PRKCG: variants seen among roughly 807,000 people sequenced by gnomAD.
PRKCG encodes protein kinase C gamma type.
In PRKCG, 28 loss-of-function variants were observed where a neutral mutation model predicts 82.0. The ratio of observed to expected loss-of-function variants is 0.34; its 90% confidence interval spans 0.25 to 0.47. The LOEUF is 0.47. Among genes scored for constraint, PRKCG ranks in the 20% least tolerant of loss-of-function variants. PRKCG has a pLI of 1.00. For synonymous variants in PRKCG, 383 were observed against 376.6 expected, an observed-to-expected ratio of 1.02 and a Z score of -0.20; for missense variants, 640 against 952.7, an observed-to-expected ratio of 0.67 and a Z score of 4.32.
chr19:53,882,834 G>C lies in PRKCG; in HGVS notation c.170+170G>C, dbSNP rs2068603276. 6.6e-6 allele frequency among the ~76,000 whole-genome samples: 1 copy of C among 152,114 alleles called. No individual in the cohort carries two copies. The highest frequency in any genetic ancestry group is 1.5e-5 in the Non-Finnish European group (1 of 68,022). ...GACTCCTGGGTTTCAGTGAGGAGGAGGCTGGTTCCTGGAGTGCTGGGTCCG... is the reference window on the plus strand; with the variant it reads ...GACTCCTGGGTTTCAGTGAGGAGGACGCTGGTTCCTGGAGTGCTGGGTCCG... On this transcript the variant is annotated intron_variant, in intron 1 of 17. Transcript: ENST00000263431. The surrounding 1 kb of genome is among the most constrained non-coding windows in gnomAD (Gnocchi z 6.1).
chr19:53,887,006 A>G (rs1599941055), intron 3 of PRKCG, among the ~76,000 whole-genome samples: 1 of 152,274 alleles, frequency 6.6e-6, no homozygotes, highest in East Asian at 1.9e-4. Context: ...ATTATGACCA[A>G]TGAGGAAACG....
intron 9 of PRKCG, among the ~76,000 whole-genome samples, chr19:53,895,498 A>G (rs932388095): frequency 1.3e-5 from 2 of 151,624 alleles, no homozygotes; most frequent in Non-Finnish European, 2.9e-5. Flanking sequence ...AAAAAAAAAA[A>G]AAAAAAAAAA....
chr19:53,888,055 T>C (rs1474665728), intron 3 of PRKCG, among the ~76,000 whole-genome samples: 2 of 152,160 alleles, frequency 1.3e-5, no homozygotes, highest in Non-Finnish European at 2.9e-5. Flanking sequence ...AACAGCGACG[T>C]TCACTTTTGA....
Position 53,906,413 on chromosome 19 carries a change from C to CT in PRKCG, c.1861_1862insT (p.Arg621LeufsTer24), listed in dbSNP as rs1398624617. On this transcript the variant is annotated frameshift_variant, in exon 17 of 18. Coordinates refer to ENST00000263431, the MANE Select transcript of PRKCG (RefSeq NM_002739.5). LOFTEE classifies it low-confidence loss of function (END_TRUNC). ...CTTTTTCCGCTGGATTGACTGGGAG[C>CT]GGCTGGAACGATTGGAGATCCCGCC... The CT allele has an allele frequency of 6.4e-7, 1 of 1,572,064 alleles. No individual in the cohort carries two copies. The highest frequency in any genetic ancestry group is 8.6e-7 in the Non-Finnish European group (1 of 1,157,902).
intron 9 of PRKCG, among the ~76,000 whole-genome samples, chr19:53,893,754 T>A (rs542969614): frequency 2.7e-4 from 39 of 146,422 alleles, no homozygotes; most frequent in South Asian, 4.5e-4. Flanking sequence ...TAAAATTTTT[T>A]AATTTATTTT....
At position 53,883,209 on chromosome 19, in the gene PRKCG, C is replaced by G; in HGVS notation, c.202+15C>G. 6.2e-7 allele frequency: 1 copy of G among 1,613,772 alleles called. No homozygotes were observed. The highest frequency in any genetic ancestry group is 8.5e-7 in the Non-Finnish European group (1 of 1,179,916). Reference sequence around the variant, plus strand: ...GCAATGTCAAGGTAAGAGCTGGGGACCGGGGCTCCTGGGACCCTCAGGAGG... The same window carrying G: ...GCAATGTCAAGGTAAGAGCTGGGGAGCGGGGCTCCTGGGACCCTCAGGAGG... On this transcript the variant is annotated intron_variant, in intron 2 of 17. Transcript: ENST00000263431. The surrounding 1 kb of genome is among the most constrained non-coding windows in gnomAD (Gnocchi z 5.4).
rs886054614 is a variant in PRKCG, at chr19:53,907,255, G to C, written c.*360G>C. The stretch of plus-strand genomic sequence containing the variant: ...TGCCTCCCCCCAGACCCCGCCCCTG[G>C]GGAAATAGCCTCACGGGGTTGGCTG... On this transcript the variant is annotated 3_prime_UTR_variant, in exon 18 of 18. Transcript: ENST00000263431. The C allele has an allele frequency of 5.4e-6, 2 of 369,146 alleles. No individual in the cohort carries two copies. The allele number at this position is 369,146 out of a possible 1,614,324, so 22.9% of individuals were successfully genotyped here.
At position 53,900,204 on chromosome 19, in the gene PRKCG, CG is replaced by C; in HGVS notation, c.1282-28del. 1 of 1,595,808 alleles carries C rather than the reference CG, an allele frequency of 6.3e-7. No homozygotes were observed. Among genetic ancestry groups the C allele is most frequent in the Non-Finnish European group, 8.6e-7 (1 of 1,163,438 alleles). The stretch of plus-strand genomic sequence containing the variant: ...TCTCCTACTCTGGGTAGATGGATCC[CG>C]CCTCTAAGCCCATGCACTTCTCCGC... On this transcript the variant is annotated intron_variant, in intron 11 of 17. Coordinates refer to ENST00000263431, the MANE Select transcript of PRKCG (RefSeq NM_002739.5). This position sits in a 1 kb window ranked among gnomAD's most constrained non-coding sequence, Gnocchi z 4.2.
chr19:53,886,243 T>C (rs2068630565), intron 3 of PRKCG, among the ~76,000 whole-genome samples: 1 of 151,516 alleles, frequency 6.6e-6, no homozygotes, highest in Non-Finnish European at 1.5e-5. Context: ...TAGCTGGGAC[T>C]AGAACAGGCA....
chr19:53,906,050 T>C (rs1599955832), intron 16 of PRKCG, among the ~76,000 whole-genome samples: 4 of 48,114 alleles, frequency 8.3e-5, no homozygotes, highest in Non-Finnish European at 1.4e-4. Context: ...TCCCTCCTCC[T>C]CCTCCTCCTC....
At chr19:53,898,692 G>C in intron 11 of PRKCG, 64 bp downstream of exon 11, 1 of 1,469,340 alleles carries the variant, frequency 6.8e-7, no homozygotes, top group Non-Finnish European at 9.2e-7. Context: ...GGACATCTGC[G>C]TTGGGATTCT....
intron 16 of PRKCG, 77 bp downstream of exon 16, chr19:53,904,819 A>C (rs1599954549): frequency 1.7e-6 from 2 of 1,201,436 alleles, no homozygotes; most frequent in Admixed American, 3.8e-5. Context: ...CTATTAGAAA[A>C]ATGCTCCCAT....
At chr19:53,904,300 G>T (rs2068785667) in intron 15 of PRKCG, among the ~76,000 whole-genome samples, 1 of 151,504 alleles carries the variant, frequency 6.6e-6, no homozygotes, top group African/African-American at 2.4e-5. Context: ...CCAGGAGAAT[G>T]CTTTTAGGGT....
At position 53,884,842 on chromosome 19, in the gene PRKCG, C is replaced by T. The variant is rs1210893884; in HGVS notation, c.285+599C>T. On this transcript the variant is annotated intron_variant, in intron 3 of 17. Coordinates refer to ENST00000263431, the MANE Select transcript of PRKCG (RefSeq NM_002739.5). The surrounding 1 kb of genome is among the most constrained non-coding windows in gnomAD (Gnocchi z 4.6). Reference sequence around the variant, plus strand: ...GCTTAGGAGATGCTGAGAGGAGACCCAGGGAAGTCCCACAGTACACTTGCA... The same window carrying T: ...GCTTAGGAGATGCTGAGAGGAGACCTAGGGAAGTCCCACAGTACACTTGCA... Among the ~76,000 whole-genome samples, 1 of 152,190 alleles carries T rather than the reference C, an allele frequency of 6.6e-6. No individual in the cohort carries two copies. The highest frequency in any genetic ancestry group is 1.5e-5 in the Non-Finnish European group (1 of 68,038).
At position 53,907,066 on chromosome 19, in the gene PRKCG, G is replaced by T. The variant is rs1265327062; in HGVS notation, c.*171G>T. The T allele has an allele frequency of 1.4e-6, 2 of 1,443,788 alleles. No individual in the cohort carries two copies. The highest frequency in any genetic ancestry group is 9.3e-7 in the Non-Finnish European group (1 of 1,072,554). The allele number at this position is 1,443,788 out of a possible 1,614,324, so 89.4% of individuals were successfully genotyped here. On this transcript the variant is annotated 3_prime_UTR_variant, in exon 18 of 18. Transcript: ENST00000263431. ...CCCTCCCAAGCGTTCCTGGCCTTCT[G>T]AACTCCATACAGCCTCTACAGCCGT... is the stretch of plus-strand genomic sequence containing the variant.
chr19:53,891,357 A>T (rs1050399388), intron 5 of PRKCG, among the ~76,000 whole-genome samples: 1 of 151,442 alleles, frequency 6.6e-6, no homozygotes, highest in Non-Finnish European at 1.5e-5. Flanking sequence ...GCTCACTGCA[A>T]GCTCCGACTC....
At chr19:53,906,267 T>C in intron 16 of PRKCG, 50 bp from the exon 17 acceptor site, 2 of 1,550,224 alleles carry the variant, frequency 1.3e-6, no homozygotes, top group East Asian at 2.4e-5. Flanking sequence ...GGTCTACCTG[T>C]CCGGCACTCT....
intron 3 of PRKCG, among the ~76,000 whole-genome samples, chr19:53,887,497 C>CG (rs2068639490): frequency 2.7e-4 from 4 of 14,676 alleles, no homozygotes; most frequent in Non-Finnish European, 4.1e-4. Flanking sequence ...AACTCTGTCT[C>CG]AAAAAAAAAA....
chr19:53,905,449 G>A (rs934985619), intron 16 of PRKCG, among the ~76,000 whole-genome samples: 1 of 148,990 alleles, frequency 6.7e-6, no homozygotes, highest in African/African-American at 2.5e-5. Context: ...CTGGGTCTCT[G>A]TCCCCATATT....
Sources: allele counts gnomAD v4.1 joint callset (sites outside exome capture counted in the v4.1 genomes callset), GRCh38; gene constraint gnomAD v4.1.1; non-coding constraint Gnocchi (gnomAD v3.1); transcripts MANE v1.5; gene names NCBI Gene and HGNC (gene_info 2026-07-23, HGNC 2026-07-21).